SMOC2: variants seen among roughly 807,000 people sequenced by gnomAD.
SMOC2 encodes the protein SPARC related modular calcium binding 2.
SMOC2 carries 39 observed loss-of-function variants against 61.4 expected under a neutral mutation model. The ratio of observed to expected loss-of-function variants is 0.64; its 90% CI spans 0.49 to 0.83. The LOEUF (loss-of-function observed/expected upper bound fraction) is 0.83. SMOC2 is among the 40% of genes least tolerant of loss of function. The pLI, the probability that SMOC2 is intolerant of heterozygous loss-of-function variation, is 0.00. For synonymous variants in SMOC2, 247 were observed against 239.9 expected (o/e 1.03, Z -0.27); for missense variants, 556 against 592.9 (o/e 0.94, Z 0.65).
intron 1 of SMOC2, among the ~76,000 whole-genome samples, chr6:168,480,139 G>GA (rs34337278): frequency 6.6e-6 from 1 of 152,004 alleles, no homozygotes; most frequent in Non-Finnish European, 1.5e-5. Context: ...CAAACCCTGG[G>GA]AAAAATGAAG....
At chr6:168,545,325 C>T (rs549960040) in intron 5 of SMOC2, among the ~76,000 whole-genome samples, 1 of 152,234 alleles carries the variant, frequency 6.6e-6, no homozygotes, top group African/African-American at 2.4e-5. Context: ...AACACACCCC[C>T]CACTTTAGGC....
intron 7 of SMOC2, among the ~76,000 whole-genome samples, chr6:168,592,038 C>T (rs929185794): frequency 1.3e-5 from 2 of 152,176 alleles, no homozygotes; most frequent in Non-Finnish European, 2.9e-5. Context: ...AACTTTGGTT[C>T]CTTGTCCCCA....
chr6:168,456,486 G>A (rs1486593644), intron 1 of SMOC2, among the ~76,000 whole-genome samples: 2 of 152,272 alleles, frequency 1.3e-5, no homozygotes, highest in East Asian at 1.9e-4. Context: ...TCGGTGCTGC[G>A]AGACCCTCAC....
chr6:168,591,270 C>G (rs573133473), intron 7 of SMOC2, among the ~76,000 whole-genome samples: 38 of 152,198 alleles, frequency 2.5e-4, no homozygotes, highest in Non-Finnish European at 5.1e-4. Flanking sequence ...GGATCTGAGC[C>G]ACAGACAGCA....
chr6:168,587,006 C>T (rs1231016043), intron 7 of SMOC2, among the ~76,000 whole-genome samples: 1 of 152,206 alleles, frequency 6.6e-6, no homozygotes, highest in Non-Finnish European at 1.5e-5. Flanking sequence ...TACACCTAGT[C>T]TACCAAGAGT....
At chr6:168,545,078 C>T (rs543629260) in intron 5 of SMOC2, among the ~76,000 whole-genome samples, 5 of 151,984 alleles carry the variant, frequency 3.3e-5, no homozygotes, top group South Asian at 2.1e-4. Flanking sequence ...GTGTGAGCTG[C>T]GTGAACTGAG....
chr6:168,476,744 A>T (rs999960218), intron 1 of SMOC2, among the ~76,000 whole-genome samples: 1 of 152,106 alleles, frequency 6.6e-6, no homozygotes, highest in Non-Finnish European at 1.5e-5. Flanking sequence ...ATTGCAGAGA[A>T]CAACATTGTA....
chr6:168,637,805 T>A (rs911440239), intron 9 of SMOC2, among the ~76,000 whole-genome samples: 65 of 152,234 alleles, frequency 4.3e-4, no homozygotes, highest in Non-Finnish European at 1.8e-4. Flanking sequence ...CTGTTTGTGC[T>A]GCTTGCAATT....
At chr6:168,563,287 ATG>A (rs10560357) in intron 7 of SMOC2, among the ~76,000 whole-genome samples, 101,944 of 151,662 alleles carry the variant, frequency 0.67, 34,532 homozygotes, top group African/African-American at 0.75. Context: ...TGTAAGTTTT[ATG>A]TGTGTGTGTG....
chr6:168,463,062 G>T (rs1397208056), intron 1 of SMOC2, among the ~76,000 whole-genome samples: 3 of 152,214 alleles, frequency 2.0e-5, no homozygotes, highest in African/African-American at 7.2e-5. Context: ...ATTCCCACAG[G>T]GGAGTTGGAG....
chr6:168,545,845 A>G lies in SMOC2; in HGVS notation c.512-1274A>G, dbSNP rs375900670. On this transcript the variant is annotated intron_variant, in intron 5 of 12. Transcript: ENST00000356284. ...GTCCTCATTCCAAAAAATTTCAAAT[A>G]TGTTCTTTTAAGACTTTTTGTATGT... Among the ~76,000 whole-genome samples the G allele has an allele frequency of 1.1e-4, 16 of 152,340 alleles. No individual in the cohort carries two copies. In the East Asian group the frequency reaches 2.9e-3, roughly 28 times the overall value.
rs1052991416 is a variant in SMOC2, at chr6:168,535,205, T to G, written c.463+7478T>G. 6.6e-6 allele frequency among the ~76,000 whole-genome samples: 1 copy of G among 151,992 alleles called. No homozygotes were observed. Among genetic ancestry groups the G allele is most frequent in the Non-Finnish European group, 1.5e-5 (1 of 68,004 alleles). On this transcript the variant is annotated intron_variant, in intron 4 of 12. Transcript: ENST00000356284. This position sits in a 1 kb window ranked among gnomAD's most constrained non-coding sequence, Gnocchi z 4.6. The stretch of plus-strand genomic sequence containing the variant: ...CTGGATGGTCTCAATCTCCTGACCT[T>G]GTGATCCGCTCACCTTGGCCTCCCA...
chr6:168,511,234 A>T (rs1783000188), intron 2 of SMOC2, among the ~76,000 whole-genome samples: 1 of 152,338 alleles, frequency 6.6e-6, no homozygotes, highest in South Asian at 2.1e-4. Context: ...TCACACTGCT[A>T]ATAAAGACAT....
At chr6:168,517,625 G>A (rs1783175039) in intron 2 of SMOC2, among the ~76,000 whole-genome samples, 1 of 152,206 alleles carries the variant, frequency 6.6e-6, no homozygotes, top group Non-Finnish European at 1.5e-5. Context: ...CCTCCCCGTG[G>A]GGCTCCGTCC....
chr6:168,466,474 A>G (rs925273621), intron 1 of SMOC2, among the ~76,000 whole-genome samples: 28 of 152,124 alleles, frequency 1.8e-4, no homozygotes, highest in Admixed American at 9.8e-4. Context: ...TGGTGGGGGA[A>G]GGGTTGAGAG....
chr6:168,649,332 G>A (rs2115271422), intron 9 of SMOC2, among the ~76,000 whole-genome samples: 1 of 152,294 alleles, frequency 6.6e-6, no homozygotes, highest in Middle Eastern at 3.4e-3. Flanking sequence ...GACGGTCCGA[G>A]CAGATGTTCT....
chr6:168,480,940 AC>A (rs1782194254), intron 1 of SMOC2, among the ~76,000 whole-genome samples: 1 of 152,160 alleles, frequency 6.6e-6, no homozygotes, highest in Non-Finnish European at 1.5e-5. Flanking sequence ...AAAATCAAAA[AC>A]AAAACAATCA....
At position 168,616,511 on chromosome 6, in the gene SMOC2, C is replaced by T. The variant is rs551131556; in HGVS notation, c.907+8272C>T. The stretch of plus-strand genomic sequence containing the variant: ...CATCAACTCAGCCTCATGGGTAGGG[C>T]TGGGGAGTCCCAGATATGGCAAGAG... On this transcript the variant is annotated intron_variant, in intron 9 of 12. Transcript: ENST00000356284. 5.9e-5 allele frequency among the ~76,000 whole-genome samples: 9 copies of T among 152,314 alleles called. No individual in the cohort carries two copies. In the South Asian group the frequency reaches 1.7e-3, roughly 28 times the overall value.
chr6:168,513,885 G>A (rs1783067571), intron 2 of SMOC2, among the ~76,000 whole-genome samples: 1 of 152,184 alleles, frequency 6.6e-6, no homozygotes, highest in African/African-American at 2.4e-5. Context: ...ACTGGAAACG[G>A]TTTCACGTGA....
Sources: allele counts gnomAD v4.1 joint callset (sites outside exome capture counted in the v4.1 genomes callset), GRCh38; gene constraint gnomAD v4.1.1; non-coding constraint Gnocchi (gnomAD v3.1); transcripts MANE v1.5; gene names NCBI Gene and HGNC (gene_info 2026-07-23, HGNC 2026-07-21).